Variants in SLC8A1 observed in about 807,000 individuals in gnomAD.
The protein encoded by SLC8A1 is sodium/calcium exchanger 1.
SLC8A1 carries 18 observed loss-of-function variants against 68.3 expected under a neutral mutation model. The ratio of observed to expected loss-of-function variants is 0.26; its 90% CI spans 0.18 to 0.39. SLC8A1 has a LOEUF of 0.39. Ranked by LOEUF, SLC8A1 falls within the 10% of genes least tolerant of loss-of-function variation. The pLI, the probability that SLC8A1 is intolerant of heterozygous loss-of-function variation, is 1.00. For missense variants in SLC8A1, 985 were observed against 1,156.7 expected (o/e 0.85, Z 2.15); for synonymous variants, 475 against 415.5 (o/e 1.14, Z -1.74).
chr2:40,210,812 C>T (rs2056445602), intron 2 of SLC8A1, among the ~76,000 whole-genome samples: 1 of 152,210 alleles, frequency 6.6e-6, no homozygotes, highest in Non-Finnish European at 1.5e-5. Context: ...TTTATTCTCA[C>T]TCCCACTCAG....
chr2:40,420,410 C>T (rs1448605908), intron 2 of SLC8A1, among the ~76,000 whole-genome samples: 1 of 150,254 alleles, frequency 6.7e-6, no homozygotes, highest in Non-Finnish European at 1.5e-5. Context: ...CGAAGAAAAG[C>T]TGCATTCATT....
At chr2:40,160,596 A>C (rs558068230) in intron 6 of SLC8A1, among the ~76,000 whole-genome samples, 169 bp downstream of exon 9, 1 of 152,334 alleles carries the variant, frequency 6.6e-6, no homozygotes, top group South Asian at 2.1e-4. Context: ...TCATCTAGAT[A>C]GTCAATTTAG....
At chr2:40,500,382 C>T (rs1056749963) in intron 1 of SLC8A1, among the ~76,000 whole-genome samples, 5 of 152,026 alleles carry the variant, frequency 3.3e-5, no homozygotes, top group African/African-American at 4.8e-5. Context: ...TTACTATAAC[C>T]GTGGCTTCAA....
intron 2 of SLC8A1, among the ~76,000 whole-genome samples, chr2:40,320,660 G>A (rs1040799229): frequency 1.3e-5 from 2 of 152,136 alleles, no homozygotes; most frequent in African/African-American, 4.8e-5. Flanking sequence ...AAAGTGTTAA[G>A]ACAAGTGAAG....
intron 2 of SLC8A1, among the ~76,000 whole-genome samples, chr2:40,395,604 T>A (rs1400508331): frequency 6.6e-6 from 1 of 152,100 alleles, no homozygotes; most frequent in African/African-American, 2.4e-5. Context: ...GACTTTAGGT[T>A]CCCATCTGAC....
chr2:40,314,550 G>A (rs927796687), intron 2 of SLC8A1, among the ~76,000 whole-genome samples: 1 of 151,704 alleles, frequency 6.6e-6, no homozygotes, highest in African/African-American at 2.4e-5. Context: ...ATGCTTATTG[G>A]GATTTTCACT....
intron 2 of SLC8A1, among the ~76,000 whole-genome samples, chr2:40,180,493 C>T (rs985206769): frequency 6.6e-6 from 1 of 152,158 alleles, no homozygotes; most frequent in Non-Finnish European, 1.5e-5. Flanking sequence ...CAATCTTAAA[C>T]TTTAGTGGTA....
Position 40,127,350 on chromosome 2 carries a change from G to A in SLC8A1, c.2438-11721C>T, listed in dbSNP as rs528139924. Among the ~76,000 whole-genome samples, 21 of 152,218 alleles carry A rather than the reference G, an allele frequency of 1.4e-4. 1 individual carries two copies. Among genetic ancestry groups the A allele is most frequent in the African/African-American group, 4.1e-4 (17 of 41,548 alleles). ...GCACAGACTAAACGGCAGGAAGCAC[G>A]TCCAACCACTTCCAGCGCAGCCTCA... On this transcript the variant is annotated intron_variant, in intron 7 of 7. Transcript: ENST00000406785.
chr2:40,425,277 G>A lies in SLC8A1; in HGVS notation c.1808+3196C>T, dbSNP rs891460969. 2.6e-5 allele frequency among the ~76,000 whole-genome samples: 4 copies of A among 151,770 alleles called. 1 individual carries two copies. Among genetic ancestry groups the A allele is most frequent in the Non-Finnish European group, 4.4e-5 (3 of 67,788 alleles). On this transcript the variant is annotated intron_variant, in intron 2 of 7. Coordinates refer to ENST00000406785, the Ensembl canonical transcript of SLC8A1. ...TTGAAATAAATCAACTCATTTATGT[G>A]AGAATATGAATAAATATTTATAGAC...
At chr2:40,481,905 GATCAAA>G (rs1349503278) in intron 1 of SLC8A1, among the ~76,000 whole-genome samples, 2 of 152,166 alleles carry the variant, frequency 1.3e-5, no homozygotes, top group African/African-American at 4.8e-5. Flanking sequence ...GGATTATATA[GATCAAA>G]ATTTGAATTT....
chr2:40,306,656 C>A (rs2072671590), intron 2 of SLC8A1, among the ~76,000 whole-genome samples: 1 of 152,152 alleles, frequency 6.6e-6, no homozygotes, highest in South Asian at 2.1e-4. Flanking sequence ...GTCAACAAGC[C>A]TTTGCCCAAA....
chr2:40,342,887 G>A (rs886845536), intron 2 of SLC8A1, among the ~76,000 whole-genome samples: 3 of 152,044 alleles, frequency 2.0e-5, no homozygotes, highest in East Asian at 1.9e-4. Context: ...TGTGTTAAAC[G>A]TACTGATCAC....
chr2:40,124,978 A>G (rs2037756345), intron 7 of SLC8A1, among the ~76,000 whole-genome samples: 1 of 152,214 alleles, frequency 6.6e-6, no homozygotes, highest in Admixed American at 6.5e-5. Context: ...CACAATTTTA[A>G]AGGTGCAAAT....
At chr2:40,383,129 A>G (rs1236803833) in intron 2 of SLC8A1, among the ~76,000 whole-genome samples, 2 of 152,102 alleles carry the variant, frequency 1.3e-5, no homozygotes, top group Admixed American at 1.3e-4. Flanking sequence ...CTGTTTTGAC[A>G]CATCCTTGTA....
chr2:40,169,774 C>T (rs750820478), intron 4 of SLC8A1, among the ~76,000 whole-genome samples: 1 of 152,066 alleles, frequency 6.6e-6, no homozygotes, highest in Non-Finnish European at 1.5e-5. Context: ...GACCCCGTCT[C>T]TACAAAAAGT....
exon 8 of SLC8A1, chr2:40,099,403 T>C (rs2033764446): frequency 6.6e-6 from 1 of 152,020 alleles, no homozygotes; most frequent in Admixed American, 6.6e-5. Context: ...AAACCACCAC[T>C]AAGGAATTTC....
chr2:40,260,642 G>A (rs2064568620), intron 2 of SLC8A1, among the ~76,000 whole-genome samples: 1 of 151,906 alleles, frequency 6.6e-6, no homozygotes, highest in Non-Finnish European at 1.5e-5. Flanking sequence ...AAGAAAAAGA[G>A]GAAATGAGAA....
intron 2 of SLC8A1, among the ~76,000 whole-genome samples, chr2:40,270,233 T>C (rs980204225): frequency 1.3e-5 from 2 of 152,244 alleles, no homozygotes; most frequent in African/African-American, 4.8e-5. Context: ...CTTCCAGCCC[T>C]AGCTTCAGAT....
At chr2:40,169,005 T>G (rs2047014615) in intron 4 of SLC8A1, among the ~76,000 whole-genome samples, 1 of 152,176 alleles carries the variant, frequency 6.6e-6, no homozygotes, top group African/African-American at 2.4e-5. Flanking sequence ...ATCTCCCTTC[T>G]CCTGAGTAAT....
Sources: allele counts gnomAD v4.1 joint callset (sites outside exome capture counted in the v4.1 genomes callset), GRCh38; gene constraint gnomAD v4.1.1; transcripts MANE v1.5; gene names NCBI Gene and HGNC (gene_info 2026-07-23, HGNC 2026-07-21).